TRIQK: variants seen among roughly 807,000 people sequenced by gnomAD.
TRIQK encodes the protein triple QxxK/R motif containing, also known as triple QxxK/R motif-containing protein.
TRIQK carries 10 observed loss-of-function variants against 10.8 expected under a neutral mutation model. The ratio of observed to expected loss-of-function variants is 0.92; its 90% CI spans 0.57 to 1.57. The LOEUF is 1.57. Ranked by LOEUF, TRIQK falls within the 40% of genes most tolerant of loss-of-function variation. TRIQK has a pLI of 0.00. For synonymous variants in TRIQK, 33 were observed against 33.7 expected, an observed-to-expected ratio of 0.98 and a Z score of 0.07; for missense variants, 107 against 97.7, an observed-to-expected ratio of 1.09 and a Z score of -0.40.
At chr8:92,930,685 G>A (rs4735193) in intron 2 of TRIQK, among the ~76,000 whole-genome samples, 62,473 of 151,792 alleles carry the variant, frequency 0.41, 13,753 homozygotes, top group Admixed American at 0.58. Flanking sequence ...ACTATTACCC[G>A]ACAAACCTTC....
chr8:92,945,193 A>G (rs908347335), intron 2 of TRIQK, among the ~76,000 whole-genome samples: 1 of 152,264 alleles, frequency 6.6e-6, no homozygotes, highest in Non-Finnish European at 1.5e-5. Flanking sequence ...CACTTGCCCA[A>G]TGGACAGCAC....
At chr8:92,982,713 A>G (rs1172138798) in intron 1 of TRIQK, among the ~76,000 whole-genome samples, 1 of 152,072 alleles carries the variant, frequency 6.6e-6, no homozygotes, top group Non-Finnish European at 1.5e-5. Context: ...AATGGGAGAC[A>G]TTATATTCTT....
At chr8:92,921,763 T>C (rs1307963929) in intron 2 of TRIQK, 4 of 151,950 alleles carry the variant, frequency 2.6e-5, no homozygotes, top group African/African-American at 7.2e-5. Context: ...CAAACAAGTA[T>C]AGATGTTTCC....
chr8:92,890,012 TA>T (rs1232326196), intron 4 of TRIQK, among the ~76,000 whole-genome samples: 2 of 151,818 alleles, frequency 1.3e-5, no homozygotes, highest in African/African-American at 4.8e-5. Flanking sequence ...CTATATCAAC[TA>T]GGTAAGAGTA....
intron 3 of TRIQK, among the ~76,000 whole-genome samples, chr8:92,908,614 A>C (rs1185672506): frequency 6.6e-6 from 1 of 152,144 alleles, no homozygotes; most frequent in East Asian, 1.9e-4. Context: ...AAATACATTC[A>C]ATCATAATTC....
At chr8:92,979,658 T>C (rs745463285) in intron 1 of TRIQK, among the ~76,000 whole-genome samples, 6 of 152,098 alleles carry the variant, frequency 3.9e-5, no homozygotes, top group Non-Finnish European at 5.9e-5. Flanking sequence ...ATTCAGGTCA[T>C]GTATTCCTTT....
At chr8:92,979,504 G>T (rs1013334098) in intron 1 of TRIQK, among the ~76,000 whole-genome samples, 3 of 151,924 alleles carry the variant, frequency 2.0e-5, no homozygotes, top group Non-Finnish European at 2.9e-5. Flanking sequence ...AATTTTTCAG[G>T]TTCCACAAAA....
intron 2 of TRIQK, among the ~76,000 whole-genome samples, chr8:92,947,246 TTATA>T (rs111754734): frequency 2.5e-4 from 38 of 149,318 alleles, no homozygotes; most frequent in Admixed American, 2.3e-3. Flanking sequence ...TCAACAGTGT[TTATA>T]TATATATATA....
chr8:92,956,120 C>A (rs1812160941), intron 1 of TRIQK, among the ~76,000 whole-genome samples: 1 of 151,632 alleles, frequency 6.6e-6, no homozygotes, highest in Admixed American at 6.6e-5. Flanking sequence ...TTCATAGCAG[C>A]ATTATTCTAA....
intron 1 of TRIQK, among the ~76,000 whole-genome samples, chr8:92,987,908 GAC>G (rs1033290452): frequency 2.7e-5 from 4 of 150,498 alleles, no homozygotes; most frequent in African/African-American, 9.8e-5. Flanking sequence ...AGATACAAAA[GAC>G]ACAGATACAG....
At chr8:92,901,744 TA>T (rs1201478473) in intron 3 of TRIQK, among the ~76,000 whole-genome samples, 1 of 152,174 alleles carries the variant, frequency 6.6e-6, no homozygotes. Flanking sequence ...GGTATTACAG[TA>T]ATACTGGCCT....
intron 1 of TRIQK, among the ~76,000 whole-genome samples, chr8:93,007,292 G>A (rs920351547): frequency 3.3e-5 from 5 of 152,190 alleles, no homozygotes; most frequent in Non-Finnish European, 7.3e-5. Context: ...TGGAAGTGGA[G>A]CCAGACTGTT....
At chr8:92,911,492 T>C (rs1809563666) in intron 3 of TRIQK, among the ~76,000 whole-genome samples, 1 of 151,270 alleles carries the variant, frequency 6.6e-6, no homozygotes, top group African/African-American at 2.4e-5. Flanking sequence ...AGTGTCTCAA[T>C]GGATAAAAAA....
intron 3 of TRIQK, among the ~76,000 whole-genome samples, chr8:92,912,011 T>C (rs1283796557): frequency 2.7e-5 from 4 of 150,656 alleles, no homozygotes; most frequent in African/African-American, 7.3e-5. Flanking sequence ...CAAAAATGGA[T>C]AGATTATTGA....
chr8:92,982,773 T>C (rs942954110), intron 1 of TRIQK, among the ~76,000 whole-genome samples: 12 of 152,014 alleles, frequency 7.9e-5, no homozygotes, highest in South Asian at 2.1e-4. Context: ...AGGGTCACAT[T>C]ATAACTCCAG....
intron 1 of TRIQK, among the ~76,000 whole-genome samples, chr8:92,989,217 G>A (rs1486532212): frequency 1.3e-5 from 2 of 152,152 alleles, no homozygotes; most frequent in South Asian, 2.1e-4. Flanking sequence ...TGTATCAAAC[G>A]TTAACACTAA....
At chr8:92,934,444 A>G (rs1021675329) in intron 2 of TRIQK, among the ~76,000 whole-genome samples, 3 of 151,994 alleles carry the variant, frequency 2.0e-5, no homozygotes, top group African/African-American at 7.2e-5. Flanking sequence ...AATGGAAATT[A>G]TGTGTACTGA....
At chr8:92,967,002 A>AAC (rs1812778019), upstream of TRIQK, among the ~76,000 whole-genome samples, 1 of 149,752 alleles carries the variant, frequency 6.7e-6, no homozygotes, top group Admixed American at 6.6e-5. Context: ...AAAAAAAAAA[A>AAC]CTGAGACAAG....
chr8:93,013,188 T>C (rs1485244717), intron 1 of TRIQK, among the ~76,000 whole-genome samples: 1 of 152,220 alleles, frequency 6.6e-6, no homozygotes, highest in Non-Finnish European at 1.5e-5. Flanking sequence ...GTCTCCTAAA[T>C]ATTCCATCTT....
Sources: allele counts gnomAD v4.1 joint callset (sites outside exome capture counted in the v4.1 genomes callset), GRCh38; gene constraint gnomAD v4.1.1; transcripts MANE v1.5; gene names NCBI Gene and HGNC (gene_info 2026-07-23, HGNC 2026-07-21).